Variants in CLMP observed in about 807,000 individuals in gnomAD.
CLMP encodes CXADR-like membrane protein.
Under a neutral mutation model 45.2 loss-of-function variants are expected in CLMP, and 27 were observed. That is an observed-to-expected ratio of 0.60 (90% CI 0.44 to 0.82). The LOEUF (loss-of-function observed/expected upper bound fraction) is 0.82, where lower values mean the gene tolerates loss of function less well. Ranked by LOEUF, CLMP falls within the 40% of genes least tolerant of loss-of-function variation. CLMP has a pLI of 0.00. For synonymous variants in CLMP, 167 were observed against 171.4 expected (o/e 0.97, Z 0.20); for missense variants, 403 against 448.4 (o/e 0.90, Z 0.91).
At chr11:123,096,222 T>C (rs1565380980) in intron 2 of CLMP, among the ~76,000 whole-genome samples, 1 of 152,010 alleles carries the variant, frequency 6.6e-6, no homozygotes, top group Non-Finnish European at 1.5e-5. Context: ...GGCGTGGTGG[T>C]GGATGCCTGT....
chr11:123,143,555 C>T (rs1861195878), intron 1 of CLMP, among the ~76,000 whole-genome samples: 1 of 152,170 alleles, frequency 6.6e-6, no homozygotes, highest in African/African-American at 2.4e-5. Context: ...AGTGGGTGGC[C>T]TCTGATCAAA....
At chr11:123,160,741 G>A (rs567118547) in intron 1 of CLMP, among the ~76,000 whole-genome samples, 2 of 152,238 alleles carry the variant, frequency 1.3e-5, no homozygotes, top group East Asian at 3.9e-4. Context: ...ACTTTGGGAG[G>A]CTGAGGTGGG....
At chr11:123,090,906 T>A (rs1865924111) in intron 2 of CLMP, among the ~76,000 whole-genome samples, 1 of 152,170 alleles carries the variant, frequency 6.6e-6, no homozygotes, top group South Asian at 2.1e-4. Flanking sequence ...ATATAGGTTG[T>A]GGTTATGTGC....
intron 1 of CLMP, among the ~76,000 whole-genome samples, chr11:123,159,774 A>G (rs1014251431): frequency 2.6e-5 from 4 of 152,186 alleles, no homozygotes; most frequent in Non-Finnish European, 4.4e-5. Context: ...CAATCCTCTC[A>G]GTCAATTAAT....
intron 1 of CLMP, among the ~76,000 whole-genome samples, chr11:123,134,257 TAA>T (rs543288437): frequency 2.8e-5 from 4 of 143,132 alleles, no homozygotes; most frequent in African/African-American, 2.6e-5. Flanking sequence ...GACTCTGTCT[TAA>T]AAAAAAAAAA....
At chr11:123,100,093 C>G (rs74743786) in intron 1 of CLMP, among the ~76,000 whole-genome samples, 14,314 of 152,070 alleles carry the variant, frequency 0.094, 803 homozygotes, top group East Asian at 0.16. Context: ...AGACTGGGCC[C>G]GGCACGGTGG....
At chr11:123,110,232 GAT>G (rs1860619929) in intron 1 of CLMP, among the ~76,000 whole-genome samples, 1 of 152,068 alleles carries the variant, frequency 6.6e-6, no homozygotes, top group East Asian at 1.9e-4. Flanking sequence ...GAGGTGGGCA[GAT>G]CACAAGGTCA....
chr11:123,170,324 C>T (rs897664967), intron 1 of CLMP, among the ~76,000 whole-genome samples: 1 of 152,060 alleles, frequency 6.6e-6, no homozygotes, highest in Non-Finnish European at 1.5e-5. Flanking sequence ...ACTCCCCAGG[C>T]CTCTTAGGTA....
intron 1 of CLMP, among the ~76,000 whole-genome samples, chr11:123,100,489 G>A (rs1012654903): frequency 6.6e-6 from 1 of 152,094 alleles, no homozygotes; most frequent in Admixed American, 6.6e-5. Context: ...TTTTATTTGG[G>A]GGTGAGCTGG....
chr11:123,071,972 A>G lies in CLMP; in HGVS notation c.*1502T>C, dbSNP rs1865677106. The G allele has an allele frequency of 1.3e-5, 2 of 152,200 alleles. No homozygotes were observed. Among genetic ancestry groups the G allele is most frequent in the African/African-American group, 2.4e-5 (1 of 41,452 alleles). The allele number at this position is 152,200 out of a possible 1,614,324, so 9.4% of individuals were successfully genotyped here. On this transcript the variant is annotated 3_prime_UTR_variant, in exon 7 of 7. Transcript: ENST00000448775. ...TTTTGCTAAATCTTTCCAAGATACA[A>G]CTAAAATGTTAGCAGGCACTAGCTC...
At chr11:123,190,999 G>C (rs949064) in intron 1 of CLMP, among the ~76,000 whole-genome samples, 20,548 of 152,180 alleles carry the variant, frequency 0.14, 3,601 homozygotes, top group African/African-American at 0.41. Flanking sequence ...AGATTTAGAT[G>C]AAAGATTAAC....
At chr11:123,137,587 G>A (rs928965283) in intron 1 of CLMP, among the ~76,000 whole-genome samples, 22 of 152,036 alleles carry the variant, frequency 1.4e-4, no homozygotes, top group Non-Finnish European at 2.2e-4. Context: ...GCTGTCCCCA[G>A]AGATGAGAGC....
At chr11:123,161,022 A>G (rs186399463) in intron 1 of CLMP, among the ~76,000 whole-genome samples, 7 of 151,020 alleles carry the variant, frequency 4.6e-5, no homozygotes, top group Admixed American at 1.3e-4. Flanking sequence ...CTTCCTATTT[A>G]TTGATTGAAA....
chr11:123,083,708 A>T lies in CLMP; in HGVS notation c.528T>A (p.Asp176Glu). The T allele has an allele frequency of 6.2e-7, 1 of 1,614,092 alleles. No individual in the cohort carries two copies. Residue 176 changes from aspartate to glutamate, a missense_variant, in exon 4 of 7, where the codon GAT becomes GAA. Transcript: ENST00000448775. ...WQRIREKEGE[D>E]ERLPPKSRID... ...TCCTAGATTTGGGAGGCAGACGTTC[A>T]TCCTCTCCCTCTTTCTCTCGGATTC...
intron 1 of CLMP, among the ~76,000 whole-genome samples, chr11:123,109,648 G>C (rs1335441772): frequency 6.6e-6 from 1 of 152,180 alleles, no homozygotes; most frequent in Non-Finnish European, 1.5e-5. Flanking sequence ...CTGACCCAAA[G>C]CAAGAAGAAA....
chr11:123,104,479 G>C (rs903755143), intron 1 of CLMP, among the ~76,000 whole-genome samples: 1 of 151,688 alleles, frequency 6.6e-6, no homozygotes, highest in East Asian at 2.0e-4. Context: ...CCGCCTCCCA[G>C]GTTCAAACGA....
At chr11:123,194,875 A>G (rs1455056335) in intron 1 of CLMP, 38 bp downstream of exon 1, 4 of 1,612,584 alleles carry the variant, frequency 2.5e-6, no homozygotes, top group East Asian at 2.2e-5. Context: ...GCGTTTGCCC[A>G]CGGCCATCCA....
intron 1 of CLMP, among the ~76,000 whole-genome samples, chr11:123,165,843 G>A (rs1475637746): frequency 6.6e-6 from 1 of 152,086 alleles, no homozygotes; most frequent in African/African-American, 2.4e-5. Flanking sequence ...CTCTCCCCAG[G>A]AAGATACCAC....
intron 6 of CLMP, 34 bp from the exon 7 acceptor site, chr11:123,073,808 C>G: frequency 6.5e-7 from 1 of 1,532,228 alleles, no homozygotes; most frequent in Non-Finnish European, 8.8e-7. Context: ...TTAACACTGG[C>G]AGATCTGTGA....
Sources: allele counts gnomAD v4.1 joint callset (sites outside exome capture counted in the v4.1 genomes callset), GRCh38; gene constraint gnomAD v4.1.1; transcripts MANE v1.5; gene names NCBI Gene and HGNC (gene_info 2026-07-23, HGNC 2026-07-21).